Variants in ZNF713 observed in about 807,000 individuals in gnomAD.
ZNF713 encodes zinc finger protein 713.
ZNF713 carries 21 observed loss-of-function variants against 28.7 expected under a neutral mutation model. The observed-to-expected ratio is 0.73, with a 90% CI of 0.52 to 1.05. The LOEUF is 1.05. Ranked by LOEUF, ZNF713 falls within the 50% of genes least tolerant of loss-of-function variation. The pLI is 0.00. For missense variants in ZNF713, 458 were observed against 532.4 expected (o/e 0.86, Z 1.37); for synonymous variants, 167 against 178.0 (o/e 0.94, Z 0.49).
chr7:55,939,942 A>G lies in ZNF713; in HGVS notation c.1268A>G (p.Glu423Gly), dbSNP rs776437026. The G allele has an allele frequency of 4.3e-6, 7 of 1,613,132 alleles. No individual in the cohort carries two copies. In the Middle Eastern group the frequency reaches 5.0e-4, roughly 114 times the overall value. ...CAACACAGGAAAATCCATACTCGGGAGAAATTATGTGAATATAAATGTGAG... is the reference window on the plus strand; with the variant it reads ...CAACACAGGAAAATCCATACTCGGGGGAAATTATGTGAATATAAATGTGAG... ...LNQHRKIHTR[E>G]KLCEYKCEQT... is the part of the protein sequence containing the mutation. Residue 423 changes from glutamate to glycine, a missense_variant, in exon 7 of 7, where the codon GAG becomes GGG. Transcript: ENST00000429591.
At chr7:55,909,705 C>A (rs1289800602) in intron 2 of ZNF713, among the ~76,000 whole-genome samples, 1 of 152,032 alleles carries the variant, frequency 6.6e-6, no homozygotes, top group Non-Finnish European at 1.5e-5. Flanking sequence ...GTGTCATCTA[C>A]CATTTCTTTC....
intron 1 of ZNF713, among the ~76,000 whole-genome samples, chr7:55,900,885 G>C (rs1191774537): frequency 6.6e-6 from 1 of 152,012 alleles, no homozygotes; most frequent in African/African-American, 2.4e-5. Context: ...TGCCCAGGCT[G>C]GTCTCGAACT....
chr7:55,939,795 T>G lies in ZNF713; in HGVS notation c.1121T>G (p.Phe374Cys). Residue 374 changes from phenylalanine (F) to cysteine (C), a missense_variant, in exon 7 of 7, where the codon TTC becomes TGC. Phe to Cys is a radical substitution (Grantham distance 205). Coordinates refer to ENST00000429591, the MANE Select transcript of ZNF713 (RefSeq NM_182633.3). Reference protein sequence around the residue: ...HTGEKPYECGFCGKAFSQRTH... With the variant: ...HTGEKPYECGCCGKAFSQRTH... ...GGAGAGAAACCTTACGAATGTGGTT[T>G]CTGTGGCAAAGCCTTCAGTCAGAGG... is the stretch of plus-strand genomic sequence containing the variant. 1 of 1,614,168 alleles carries G rather than the reference T, an allele frequency of 6.2e-7. No homozygotes were observed. Among genetic ancestry groups the G allele is most frequent in the Non-Finnish European group, 8.5e-7 (1 of 1,180,028 alleles).
chr7:55,931,131 C>A (rs932485698), intron 6 of ZNF713, among the ~76,000 whole-genome samples: 4 of 151,988 alleles, frequency 2.6e-5, no homozygotes, highest in Admixed American at 6.6e-5. Context: ...ACTAAAGATA[C>A]AAAAATTAGC....
chr7:55,932,396 G>A (rs1187847777), intron 6 of ZNF713, among the ~76,000 whole-genome samples: 3 of 150,890 alleles, frequency 2.0e-5, no homozygotes, highest in East Asian at 2.0e-4. Flanking sequence ...ATCGTGGCAC[G>A]TGCCTGTGGT....
chr7:55,921,517 CAA>C (rs1454389766), intron 4 of ZNF713, among the ~76,000 whole-genome samples: 7 of 152,270 alleles, frequency 4.6e-5, no homozygotes, highest in African/African-American at 1.4e-4. Context: ...TCAACATTAA[CAA>C]GAGTTTGGAA....
At chr7:55,905,934 T>C (rs981783973) in intron 1 of ZNF713, among the ~76,000 whole-genome samples, 1 of 151,818 alleles carries the variant, frequency 6.6e-6, no homozygotes. Context: ...AAACCCCGTC[T>C]CTACTAAAAA....
chr7:55,917,903 G>T (rs887301769), intron 4 of ZNF713: 1 of 346,630 alleles, frequency 2.9e-6, no homozygotes, highest in Non-Finnish European at 6.0e-6. Context: ...AACATATTCT[G>T]TTGGCAAAGC....
At chr7:55,926,401 G>T (rs1476681940) in intron 6 of ZNF713, among the ~76,000 whole-genome samples, 2 of 152,146 alleles carry the variant, frequency 1.3e-5, no homozygotes, top group East Asian at 1.9e-4. Flanking sequence ...TGAGCAAGTG[G>T]TTTTTTTCAC....
chr7:55,908,954 A>T (rs1345781862), intron 2 of ZNF713, among the ~76,000 whole-genome samples: 1 of 151,978 alleles, frequency 6.6e-6, no homozygotes, highest in Non-Finnish European at 1.5e-5. Context: ...CATGCCTGTA[A>T]TCCTAGCACT....
In ZNF713 at chr7:55,927,896, CAAAAAAA is replaced by C. The variant is rs71533249; in HGVS notation, c.307+4215_307+4221del. Among the ~76,000 whole-genome samples, 55 of 44,942 alleles carry C rather than the reference CAAAAAAA, an allele frequency of 1.2e-3. 1 individual carries two copies. The highest frequency in any genetic ancestry group is 4.7e-3 in the African/African-American group (49 of 10,478). The allele number at this position is 44,942 out of a possible 152,430, so 29.5% of individuals were successfully genotyped here. ...TGGGTGACAGAGCAAGACTCTGTCT[CAAAAAAA>C]AAAAAAAAAAAAAAAAAGCCACAAG... On this transcript the variant is annotated intron_variant, in intron 6 of 6. Transcript: ENST00000429591.
chr7:55,891,378 G>A (rs1449965299), intron 1 of ZNF713, among the ~76,000 whole-genome samples: 1 of 151,786 alleles, frequency 6.6e-6, no homozygotes, highest in Non-Finnish European at 1.5e-5. Flanking sequence ...AATGTGACTT[G>A]CAAGGCAAAG....
chr7:55,890,173 G>T (rs532773234), intron 1 of ZNF713, among the ~76,000 whole-genome samples: 115 of 152,188 alleles, frequency 7.6e-4, no homozygotes, highest in African/African-American at 2.5e-3. Flanking sequence ...TTACAGGCCC[G>T]GCGCAGTGGC....
At chr7:55,932,648 G>A (rs1786235093) in intron 6 of ZNF713, among the ~76,000 whole-genome samples, 1 of 151,724 alleles carries the variant, frequency 6.6e-6, no homozygotes, top group South Asian at 2.1e-4. Flanking sequence ...ACTTTGGGAG[G>A]CCGAGGCGGG....
chr7:55,917,780 A>G (rs79888742), intron 4 of ZNF713, among the ~76,000 whole-genome samples: 27 of 152,304 alleles, frequency 1.8e-4, no homozygotes, highest in African/African-American at 6.3e-4. Context: ...AACACAGGAA[A>G]AGTGTTCATC....
intron 4 of ZNF713, among the ~76,000 whole-genome samples, chr7:55,916,119 TTGGTAA>T (rs911592514): frequency 1.4e-4 from 21 of 152,288 alleles, no homozygotes; most frequent in African/African-American, 5.1e-4. Context: ...AATGGCACTA[TTGGTAA>T]TGGTAAATCA....
chr7:55,888,188 A>G (rs972929771), intron 1 of ZNF713, among the ~76,000 whole-genome samples: 1 of 152,088 alleles, frequency 6.6e-6, no homozygotes, highest in African/African-American at 2.4e-5. Context: ...ACGTTTAAAG[A>G]ATTTTTAAAA....
In ZNF713 at chr7:55,900,416, C is replaced by T. The variant is rs568740640; in HGVS notation, c.-582-5837C>T. Among the ~76,000 whole-genome samples, 9 of 151,326 alleles carry T rather than the reference C, an allele frequency of 5.9e-5. No individual in the cohort carries two copies. The South Asian group carries it at 1.3e-3, about 21-fold the overall frequency. On this transcript the variant is annotated intron_variant, in intron 1 of 6. Coordinates refer to ENST00000429591, the MANE Select transcript of ZNF713 (RefSeq NM_182633.3). ...CCGGGAGGTGGAAGTTGCAGTGAGC[C>T]GAGATTGCACCACTGCACTCCAGCC...
At chr7:55,893,564 T>C (rs182854730) in intron 1 of ZNF713, among the ~76,000 whole-genome samples, 338 of 152,172 alleles carry the variant, frequency 2.2e-3, no homozygotes, top group Middle Eastern at 6.8e-3. Context: ...AGAAAAAGCA[T>C]TCCTGTTTTT....
Sources: gnomAD v4.1 joint callset for allele counts (sites outside exome capture counted in the v4.1 genomes callset) on GRCh38, gnomAD v4.1.1 for gene constraint, MANE v1.5 for transcripts, NCBI Gene and HGNC (gene_info 2026-07-23, HGNC 2026-07-21) for gene names.